BMPR1A: variants seen among roughly 807,000 people sequenced by gnomAD.
BMPR1A encodes the protein bone morphogenetic protein receptor type 1A, also known as bone morphogenetic protein receptor type-1A.
BMPR1A carries 7 observed loss-of-function variants against 66.0 expected under a neutral mutation model. The ratio of observed to expected loss-of-function variants is 0.11; its 90% CI spans 0.06 to 0.20. BMPR1A has a LOEUF of 0.20. Among genes scored for constraint, BMPR1A ranks in the 10% least tolerant of loss-of-function variants. The pLI is 1.00. For missense variants in BMPR1A, 408 were observed against 669.1 expected (o/e 0.61, Z 4.31); for synonymous variants, 200 against 229.7 (o/e 0.87, Z 1.17).
At chr10:86,875,160 G>A (rs1187389618) in intron 2 of BMPR1A, among the ~76,000 whole-genome samples, 4 of 151,692 alleles carry the variant, frequency 2.6e-5, no homozygotes, top group Non-Finnish European at 4.4e-5. Context: ...ATCACCTGAG[G>A]TCAGGAGTTT....
intron 1 of BMPR1A, among the ~76,000 whole-genome samples, chr10:86,809,009 A>G (rs540583086): frequency 6.6e-5 from 10 of 152,232 alleles, no homozygotes; most frequent in Non-Finnish European, 1.2e-4. Flanking sequence ...TTGAACTCAT[A>G]TTGAGTCCTG....
intron 1 of BMPR1A, among the ~76,000 whole-genome samples, chr10:86,797,457 T>C (rs967617869): frequency 2.0e-4 from 31 of 152,134 alleles, no homozygotes; most frequent in African/African-American, 7.2e-4. Flanking sequence ...GTCTTGGAAC[T>C]CCTGGCCTCG....
chr10:86,862,691 T>G (rs1842728125), intron 2 of BMPR1A, among the ~76,000 whole-genome samples: 1 of 152,100 alleles, frequency 6.6e-6, no homozygotes, highest in African/African-American at 2.4e-5. Context: ...ACCAGTGGAT[T>G]TGATGACAGG....
intron 2 of BMPR1A, among the ~76,000 whole-genome samples, chr10:86,871,668 G>C (rs1326769494): frequency 6.6e-6 from 1 of 152,054 alleles, no homozygotes; most frequent in East Asian, 1.9e-4. Context: ...AAATTAGCCA[G>C]GCTTGGTGAC....
chr10:86,881,552 A>G (rs1842985404), intron 3 of BMPR1A, among the ~76,000 whole-genome samples: 1 of 152,222 alleles, frequency 6.6e-6, no homozygotes, highest in Non-Finnish European at 1.5e-5. Context: ...GAGCAGCTGC[A>G]TTTCAGCGCT....
chr10:86,925,509 A>C lies in BMPR1A; in HGVS notation c.*1790A>C. 4.9e-6 allele frequency: 1 copy of C among 204,832 alleles called. No individual in the cohort carries two copies. Among genetic ancestry groups the C allele is most frequent in the Non-Finnish European group, 1.0e-5 (1 of 100,218 alleles). 12.7% of individuals were successfully genotyped at this position (204,832 alleles called of 1,614,324 possible). ...TTAATAAGTTTCATCTGCCATAATT[A>C]AAGTCTGAAGTGTTCATCAAGATAA... On this transcript the variant is annotated 3_prime_UTR_variant, in exon 13 of 13. Transcript: ENST00000372037.
chr10:86,914,092 C>CTT (rs1843528288), intron 8 of BMPR1A, among the ~76,000 whole-genome samples: 1 of 150,180 alleles, frequency 6.7e-6, no homozygotes, highest in East Asian at 1.9e-4. Context: ...TAGAAAGGAA[C>CTT]ATGCACTTAA....
At chr10:86,824,768 A>G (rs1354157646) in intron 1 of BMPR1A, among the ~76,000 whole-genome samples, 1 of 152,170 alleles carries the variant, frequency 6.6e-6, no homozygotes, top group East Asian at 1.9e-4. Flanking sequence ...TAATTAAGTC[A>G]AGTATTACAT....
rs1589288484 is a variant in BMPR1A, at chr10:86,912,186, A to AGGGTTTTATAGTTTTTCATT, written c.531-53_531-34dup. The stretch of plus-strand genomic sequence containing the variant: ...TATAGAGAACCTCAAGGTTTTTCTT[A>AGGGTTTTATAGTTTTTCATT]GGGTTTTATAGTTTTTCATTTTTAA... On this transcript the variant is annotated intron_variant, in intron 7 of 12. Transcript: ENST00000372037. The AGGGTTTTATAGTTTTTCATT allele has an allele frequency of 6.9e-6, 11 of 1,591,932 alleles. 1 individual carries two copies. The East Asian group carries it at 2.5e-4, about 36-fold the overall frequency.
chr10:86,850,642 G>A (rs572611447), intron 2 of BMPR1A, among the ~76,000 whole-genome samples: 26 of 152,132 alleles, frequency 1.7e-4, no homozygotes, highest in African/African-American at 6.3e-4. Context: ...TGTTGTTGTT[G>A]TTGTTTTGAG....
chr10:86,883,186 C>T (rs1843015613), intron 3 of BMPR1A, among the ~76,000 whole-genome samples: 1 of 151,992 alleles, frequency 6.6e-6, no homozygotes. Flanking sequence ...AATAATATTT[C>T]AGTTAAGTAT....
intron 1 of BMPR1A, among the ~76,000 whole-genome samples, chr10:86,804,668 G>A (rs988954834): frequency 6.6e-6 from 1 of 151,720 alleles, no homozygotes; most frequent in Non-Finnish European, 1.5e-5. Flanking sequence ...GATTTCCTCA[G>A]TCTTTATTTT....
chr10:86,902,282 A>G (rs536977454), intron 7 of BMPR1A, among the ~76,000 whole-genome samples: 1 of 152,178 alleles, frequency 6.6e-6, no homozygotes, highest in Admixed American at 6.5e-5. Flanking sequence ...ATTGAATTGC[A>G]TAGATTTTTT....
chr10:86,757,969 T>C (rs1847905728), intron 1 of BMPR1A, among the ~76,000 whole-genome samples: 2 of 152,244 alleles, frequency 1.3e-5, no homozygotes. Context: ...GTTGCTGGAG[T>C]TGAAAACAAC....
intron 1 of BMPR1A, among the ~76,000 whole-genome samples, chr10:86,759,494 C>G (rs1459498519): frequency 6.6e-6 from 1 of 152,160 alleles, no homozygotes; most frequent in Non-Finnish European, 1.5e-5. Context: ...CCTTAGCAAA[C>G]TTGCCTCTTT....
intron 1 of BMPR1A, among the ~76,000 whole-genome samples, chr10:86,759,549 T>C (rs572338913): frequency 5.4e-4 from 82 of 152,360 alleles, no homozygotes; most frequent in African/African-American, 1.9e-3. Context: ...CCAAACCTTT[T>C]CCCATTTCAT....
At position 86,919,401 on chromosome 10, in the gene BMPR1A, A is replaced by C. The variant is rs1060503397; in HGVS notation, c.1098A>C (p.Lys366Asn). ...TTGCTCATCGAGACCTAAAGAGCAA[A>C]AACATCCTCATCAAGAAAAATGGGA... Reference protein sequence around the residue: ...PAIAHRDLKSKNILIKKNGSC... With the variant: ...PAIAHRDLKSNNILIKKNGSC... Residue 366 changes from lysine to asparagine, a missense_variant, in exon 10 of 13, where the codon AAA becomes AAC. Physicochemically the swap from Lys to Asn is moderately conservative, Grantham distance 94. This residue lies in a region of BMPR1A where 130 missense variants were observed against 257.3 expected (regional missense o/e 0.51). Coordinates refer to ENST00000372037, the MANE Select transcript of BMPR1A (RefSeq NM_004329.3). 2 of 1,613,154 alleles carry C rather than the reference A, an allele frequency of 1.2e-6. No homozygotes were observed. Among genetic ancestry groups the C allele is most frequent in the Non-Finnish European group, 1.7e-6 (2 of 1,179,832 alleles).
chr10:86,861,432 G>T (rs1842713501), intron 2 of BMPR1A, among the ~76,000 whole-genome samples: 1 of 152,116 alleles, frequency 6.6e-6, no homozygotes, highest in East Asian at 1.9e-4. Context: ...CTTATTCAGG[G>T]CAGTTAGAGA....
At chr10:86,899,571 G>A (rs1053328828) in intron 5 of BMPR1A, among the ~76,000 whole-genome samples, 2 of 152,178 alleles carry the variant, frequency 1.3e-5, no homozygotes, top group Admixed American at 1.3e-4. Context: ...TTCTAATCTA[G>A]TGTCTAACAC....
Sources: gnomAD v4.1 joint callset for allele counts (sites outside exome capture counted in the v4.1 genomes callset) on GRCh38, gnomAD v4.1.1 for gene constraint, gnomAD v4.1.1 regional missense constraint, MANE v1.5 for transcripts, NCBI Gene and HGNC (gene_info 2026-07-23, HGNC 2026-07-21) for gene names.